Variants in OPCML observed in about 807,000 individuals in gnomAD.
OPCML encodes opioid-binding protein/cell adhesion molecule.
In OPCML, 13 loss-of-function variants were observed where a neutral mutation model predicts 37.8. That is an observed-to-expected ratio of 0.34 (90% CI 0.22 to 0.55). The LOEUF is 0.55. OPCML is among the 20% of genes least tolerant of loss of function. The pLI is 0.91. For synonymous variants in OPCML, 176 were observed against 168.8 expected, an observed-to-expected ratio of 1.04 and a Z score of -0.33; for missense variants, 341 against 435.6, an observed-to-expected ratio of 0.78 and a Z score of 1.93.
chr11:133,421,478 A>G (rs1186313327), intron 1 of OPCML: 3 of 985,350 alleles, frequency 3.0e-6, no homozygotes, highest in Non-Finnish European at 3.6e-6. Context: ...TATCATTTCT[A>G]TGGCTATCTA....
intron 1 of OPCML, among the ~76,000 whole-genome samples, chr11:133,287,538 A>AG (rs1942337353): frequency 8.8e-6 from 1 of 113,986 alleles, no homozygotes; most frequent in Admixed American, 9.6e-5. Flanking sequence ...GGGAATGTTC[A>AG]GAAAAAAAAA....
chr11:132,791,506 G>A (rs1017371937), intron 2 of OPCML, among the ~76,000 whole-genome samples: 2 of 152,088 alleles, frequency 1.3e-5, no homozygotes, highest in African/African-American at 4.8e-5. Context: ...TAGGGGACTG[G>A]CCTTGAAAAC....
chr11:133,238,751 C>T (rs937695061), intron 1 of OPCML, among the ~76,000 whole-genome samples: 2 of 152,222 alleles, frequency 1.3e-5, no homozygotes, highest in African/African-American at 4.8e-5. Flanking sequence ...AGAGGCTACC[C>T]CTCCCAGTCC....
At chr11:132,828,909 A>T (rs1940523766) in intron 2 of OPCML, among the ~76,000 whole-genome samples, 3 of 152,226 alleles carry the variant, frequency 2.0e-5, no homozygotes, top group Admixed American at 6.5e-5. Flanking sequence ...TGTTGAAGAC[A>T]GTAGGTGCCT....
At chr11:132,806,083 C>A (rs898705860) in intron 2 of OPCML, among the ~76,000 whole-genome samples, 20 of 151,528 alleles carry the variant, frequency 1.3e-4, no homozygotes, top group African/African-American at 4.8e-4. Context: ...CATAGAGAAA[C>A]CATATAAAAA....
intron 3 of OPCML, among the ~76,000 whole-genome samples, chr11:132,596,345 C>T (rs2096492415): frequency 6.6e-6 from 1 of 152,110 alleles, no homozygotes; most frequent in South Asian, 2.1e-4. Context: ...TATGTGTCTC[C>T]CTCCTTTCTT....
At chr11:132,468,107 CCT>C (rs2096125302) in intron 4 of OPCML, among the ~76,000 whole-genome samples, 1 of 152,164 alleles carries the variant, frequency 6.6e-6, no homozygotes, top group Admixed American at 6.5e-5. Context: ...ACCCAGCCTC[CCT>C]CTCTTTCTGC....
intron 1 of OPCML, among the ~76,000 whole-genome samples, chr11:133,451,298 G>A (rs1020951030): frequency 6.6e-6 from 1 of 151,786 alleles, no homozygotes; most frequent in Non-Finnish European, 1.5e-5. Flanking sequence ...GGGAAATGCT[G>A]AGGAAAATTT....
chr11:133,461,635 T>C (rs895900917), intron 1 of OPCML, among the ~76,000 whole-genome samples: 3 of 151,506 alleles, frequency 2.0e-5, no homozygotes, highest in Admixed American at 6.6e-5. Context: ...CCTGAAAAAT[T>C]TTAAGAAAAT....
intron 2 of OPCML, among the ~76,000 whole-genome samples, chr11:132,808,064 C>G (rs936599457): frequency 1.3e-5 from 2 of 152,142 alleles, no homozygotes; most frequent in African/African-American, 4.8e-5. Flanking sequence ...CATGAAATTG[C>G]TGTATCATAT....
intron 1 of OPCML, among the ~76,000 whole-genome samples, chr11:133,516,136 C>T (rs1197811865): frequency 2.0e-5 from 3 of 151,948 alleles, no homozygotes; most frequent in East Asian, 3.9e-4. Context: ...GACTGCGACC[C>T]CCGCAGAGGG....
intron 1 of OPCML, chr11:133,005,337 A>G: frequency 1.0e-6 from 1 of 985,396 alleles, no homozygotes; most frequent in Non-Finnish European, 1.2e-6. Flanking sequence ...AAGTAACATG[A>G]CAGTAAATGT....
intron 1 of OPCML, among the ~76,000 whole-genome samples, chr11:132,974,057 C>T (rs1946404565): frequency 6.6e-6 from 1 of 152,214 alleles, no homozygotes; most frequent in South Asian, 2.1e-4. Context: ...TCCCTCCTCG[C>T]ATAATCACTC....
chr11:132,463,274 T>C (rs2096108963), intron 4 of OPCML, among the ~76,000 whole-genome samples: 1 of 152,220 alleles, frequency 6.6e-6, no homozygotes, highest in Admixed American at 6.5e-5. Flanking sequence ...TGAAACACTA[T>C]TTTCTATCAC....
At chr11:132,495,310 A>G (rs192248946) in intron 4 of OPCML, among the ~76,000 whole-genome samples, 1 of 152,346 alleles carries the variant, frequency 6.6e-6, no homozygotes, top group Admixed American at 6.5e-5. Context: ...ATCTCAGAAT[A>G]TTAACGTTTT....
chr11:132,524,194 G>A (rs938177303), intron 4 of OPCML, among the ~76,000 whole-genome samples: 2 of 152,192 alleles, frequency 1.3e-5, no homozygotes, highest in African/African-American at 4.8e-5. Context: ...AGAAGAGCCT[G>A]CCAGTTTATG....
intron 1 of OPCML, among the ~76,000 whole-genome samples, chr11:133,190,934 T>C (rs1419648569): frequency 6.6e-6 from 1 of 152,324 alleles, no homozygotes; most frequent in East Asian, 1.9e-4. Flanking sequence ...CTATTTTGAA[T>C]AATGTTGCTA....
chr11:132,627,955 A>T (rs930309903), intron 3 of OPCML, among the ~76,000 whole-genome samples: 4 of 152,204 alleles, frequency 2.6e-5, no homozygotes, highest in Non-Finnish European at 4.4e-5. Context: ...GAAAGGTGAT[A>T]GTAGTGAAGA....
chr11:132,479,382 G>A lies in OPCML; in HGVS notation c.506-42023C>T, dbSNP rs541045765. 6.6e-5 allele frequency among the ~76,000 whole-genome samples: 10 copies of A among 152,310 alleles called. No homozygotes were observed. In the South Asian group the frequency reaches 2.1e-3, roughly 32 times the overall value. ...GTGGCTCGGAGGGTCCTATGCCCAC[G>A]GAATCTCGCTGATTGCTAGCACAGC... is the stretch of plus-strand genomic sequence containing the variant. On this transcript the variant is annotated intron_variant, in intron 4 of 7. Transcript: ENST00000524381.
Sources: allele counts gnomAD v4.1 joint callset (sites outside exome capture counted in the v4.1 genomes callset), GRCh38; gene constraint gnomAD v4.1.1; transcripts MANE v1.5; gene names NCBI Gene and HGNC (gene_info 2026-07-23, HGNC 2026-07-21).